The following CLBA1 variants were observed in gnomAD, a reference collection of about 807,000 sequenced individuals.
CLBA1 encodes the protein clathrin binding box of aftiphilin containing 1.
In CLBA1, 30 loss-of-function variants were observed where a neutral mutation model predicts 28.8. The ratio of observed to expected loss-of-function variants is 1.04; its 90% CI spans 0.78 to 1.41. CLBA1 has a LOEUF of 1.41. Among genes scored for constraint, CLBA1 ranks in the 40% most tolerant of loss-of-function variants. The pLI, the probability that CLBA1 is intolerant of heterozygous loss-of-function variation, is 0.00. For missense variants in CLBA1, 451 were observed against 412.3 expected, an observed-to-expected ratio of 1.09 and a Z score of -0.81; for synonymous variants, 160 against 152.8, an observed-to-expected ratio of 1.05 and a Z score of -0.35.
intron 1 of CLBA1, among the ~76,000 whole-genome samples, chr14:104,987,621 T>C (rs1176024640): frequency 4.1e-5 from 5 of 120,674 alleles, no homozygotes; most frequent in Admixed American, 8.5e-5. Flanking sequence ...TTTTTTTTTT[T>C]TTTTTTTTTT....
downstream of CLBA1, among the ~76,000 whole-genome samples, chr14:105,000,231 A>G (rs1900240638): frequency 6.6e-6 from 1 of 152,166 alleles, no homozygotes; most frequent in Non-Finnish European, 1.5e-5. Flanking sequence ...GAAAACCCAG[A>G]TAACCTGATT....
Position 104,993,970 on chromosome 14 carries a change from C to A in CLBA1, c.817-628C>A, listed in dbSNP as rs1426976462. 5.1e-6 allele frequency: 5 copies of A among 985,236 alleles called. No homozygotes were observed. The African/African-American group carries it at 8.7e-5, about 17-fold the overall frequency. 61.0% of individuals were successfully genotyped at this position (985,236 alleles called of 1,614,324 possible). On this transcript the variant is annotated intron_variant, in intron 4 of 4. Transcript: ENST00000547315. ...GAGGCAGCCAGGGTCAGCTTCTGGGCAAGAATTAGGCATGAATGTGGCACT... is the reference window on the plus strand; with the variant it reads ...GAGGCAGCCAGGGTCAGCTTCTGGGAAAGAATTAGGCATGAATGTGGCACT...
downstream of CLBA1, among the ~76,000 whole-genome samples, chr14:104,998,431 AT>A: frequency 6.6e-6 from 1 of 151,902 alleles, no homozygotes; most frequent in South Asian, 2.1e-4. Context: ...AAAAAAAAGA[AT>A]TAAGTAGTAA....
chr14:104,991,655 G>A (rs1357156802), intron 3 of CLBA1, 35 bp downstream of exon 3: 2 of 1,578,214 alleles, frequency 1.3e-6, no homozygotes, highest in South Asian at 1.2e-5. Context: ...GCTCCTGGGA[G>A]TGTGGTTGAA....
chr14:104,992,149 G>A (rs1252961365), intron 3 of CLBA1, among the ~76,000 whole-genome samples: 1 of 125,960 alleles, frequency 7.9e-6, no homozygotes, highest in Non-Finnish European at 1.6e-5. Flanking sequence ...CCATGCACAC[G>A]CCTCACACAC....
chr14:104,989,795 G>T (rs1410992371), intron 2 of CLBA1: 1 of 431,328 alleles, frequency 2.3e-6, no homozygotes, highest in African/African-American at 2.0e-5. Context: ...TCTGCGGAGT[G>T]GGTCTCCCAG....
chr14:104,988,975 T>C lies in CLBA1; in HGVS notation c.456T>C (p.Cys152=). The C allele has an allele frequency of 6.2e-7, 1 of 1,613,054 alleles. No homozygotes were observed. The highest frequency in any genetic ancestry group is 8.5e-7 in the Non-Finnish European group (1 of 1,179,420). Residue 152 remains cysteine (C), a synonymous_variant, in exon 2 of 5, where the codon TGT becomes TGC. Transcript: ENST00000547315. ...PILSYENILK[C]AFQEITVQQA... ...TCAGCTATGAGAACATTTTAAAGTG[T>C]GCTTTTCAAGAAATAACAGTCCAGC...
At chr14:104,995,953 C>T (rs760567028), downstream of CLBA1, among the ~76,000 whole-genome samples, 1 of 152,168 alleles carries the variant, frequency 6.6e-6, no homozygotes, top group Non-Finnish European at 1.5e-5. Flanking sequence ...TCTTTTGGGC[C>T]CTGCCAGCAG....
At chr14:104,989,852 G>A in intron 2 of CLBA1, 1 of 394,166 alleles carries the variant, frequency 2.5e-6, no homozygotes, top group Non-Finnish European at 5.2e-6. Context: ...GTGTCTCTGA[G>A]CAGGCCTGGA....
chr14:104,994,387 C>T (rs1184473751), intron 4 of CLBA1: 1 of 985,348 alleles, frequency 1.0e-6, no homozygotes, highest in Non-Finnish European at 1.2e-6. Flanking sequence ...GGCTGCAGGC[C>T]AGAGCCACAG....
At chr14:104,996,640 A>G (rs1178052041), downstream of CLBA1, among the ~76,000 whole-genome samples, 1 of 152,250 alleles carries the variant, frequency 6.6e-6, no homozygotes, top group Non-Finnish European at 1.5e-5. Flanking sequence ...GAGGGGCTGG[A>G]ATGGAGAGCA....
Position 104,986,743 on chromosome 14 carries a change from C to T in CLBA1, c.312C>T (p.Pro104=), listed in dbSNP as rs1595440953. ...FSQSLELLEG[P]TEPQPPRTTS... ...AGTCCCTTGAACTCCTCGAGGGACC[C>T]ACAGAACCCCAGCCACCGAGAACCA... The change falls in exon 1 of 5, where the codon CCC becomes CCT. Residue 104 remains proline, a synonymous_variant. Coordinates refer to ENST00000547315, the MANE Select transcript of CLBA1 (RefSeq NM_174891.4). 6.2e-7 allele frequency: 1 copy of T among 1,612,410 alleles called. No homozygotes were observed.
rs545288889 is a variant in CLBA1, at chr14:104,992,202, C to CA, written c.699+583dup. ...CACACACTGCCACGGCCACCACTCA[C>CA]ACGCCACCACTCACATGCCGCCACG... On this transcript the variant is annotated intron_variant, in intron 3 of 4. Transcript: ENST00000547315. Among the ~76,000 whole-genome samples the CA allele has an allele frequency of 6.7e-5, 10 of 150,338 alleles. No homozygotes were observed. The South Asian group carries it at 1.9e-3, about 29-fold the overall frequency.
chr14:104,986,444 C>G lies in CLBA1; in HGVS notation c.13C>G (p.Arg5Gly). 1 of 1,612,420 alleles carries G rather than the reference C, an allele frequency of 6.2e-7. No individual in the cohort carries two copies. The highest frequency in any genetic ancestry group is 8.5e-7 in the Non-Finnish European group (1 of 1,179,866). The change falls in exon 1 of 5, where the codon CGG becomes GGG. Residue 5 changes from arginine (R) to glycine (G), a missense_variant. Coordinates refer to ENST00000547315, the MANE Select transcript of CLBA1 (RefSeq NM_174891.4). MQGR[R>G]ELGGEPLSDL... ...TGGGGGCTCCAAGATGCAAGGCCGG[C>G]GGGAGCTGGGGGGAGAGCCTTTGAG...
At chr14:104,997,090 C>T (rs1456484643), downstream of CLBA1, among the ~76,000 whole-genome samples, 1 of 152,096 alleles carries the variant, frequency 6.6e-6, no homozygotes, top group East Asian at 1.9e-4. Flanking sequence ...AAGTCAAGGG[C>T]TTTGAAGGAA....
At chr14:104,992,802 C>T in intron 3 of CLBA1, 146 bp from the exon 4 acceptor site, 1 of 779,182 alleles carries the variant, frequency 1.3e-6, no homozygotes, top group South Asian at 1.4e-5. Flanking sequence ...CAGGGCGACA[C>T]AGGGGAAACT....
chr14:104,988,335 C>CT lies in CLBA1; in HGVS notation c.424-593dup, dbSNP rs33995599. On this transcript the variant is annotated intron_variant, in intron 1 of 4. Transcript: ENST00000547315. ...GTGCTTACTGTAGTATGTATAATTT[C>CT]TTTTTTTTTTTTTTTGAGACGGAGT... Among the ~76,000 whole-genome samples the CT allele has an allele frequency of 6.5e-3, 898 of 138,940 alleles. 19 individuals are homozygous for CT. The highest frequency in any genetic ancestry group is 0.019 in the African/African-American group (686 of 36,928). 91.2% of individuals were successfully genotyped at this position (138,940 alleles called of 152,430 possible).
intron 2 of CLBA1, chr14:104,990,219 C>G (rs1899983394): frequency 6.2e-6 from 1 of 161,622 alleles, no homozygotes; most frequent in African/African-American, 2.4e-5. Context: ...GGGCTGGACA[C>G]TCGTGGGACA....
downstream of CLBA1, among the ~76,000 whole-genome samples, chr14:105,000,132 C>T (rs1450904000): frequency 6.6e-6 from 1 of 152,006 alleles, no homozygotes; most frequent in Non-Finnish European, 1.5e-5. Flanking sequence ...GAGACAGCCT[C>T]GGAAATCGGA....
Sources: allele counts gnomAD v4.1 joint callset (sites outside exome capture counted in the v4.1 genomes callset), GRCh38; gene constraint gnomAD v4.1.1; transcripts MANE v1.5; gene names NCBI Gene and HGNC (gene_info 2026-07-23, HGNC 2026-07-21).